The following ST8SIA6 variants were observed in gnomAD, a reference collection of about 807,000 sequenced individuals.
ST8SIA6 encodes alpha-2,8-sialyltransferase 8F.
ST8SIA6 carries 39 observed loss-of-function variants against 33.6 expected under a neutral mutation model. The observed-to-expected ratio is 1.16, with a 90% CI of 0.90 to 1.52. The LOEUF (loss-of-function observed/expected upper bound fraction) is 1.52. Ranked by LOEUF, ST8SIA6 falls within the 40% of genes most tolerant of loss-of-function variation. ST8SIA6 has a pLI of 0.00. For missense variants in ST8SIA6, 441 were observed against 443.8 expected (o/e 0.99, Z 0.06); for synonymous variants, 172 against 167.2 (o/e 1.03, Z -0.22).
intron 2 of ST8SIA6, among the ~76,000 whole-genome samples, chr10:17,436,284 G>T (rs1029600742): frequency 6.6e-6 from 1 of 152,254 alleles, no homozygotes; most frequent in African/African-American, 2.4e-5. Flanking sequence ...GGGTCCCTGG[G>T]GGGGAGGTAA....
intron 4 of ST8SIA6, among the ~76,000 whole-genome samples, chr10:17,339,543 C>T (rs549638705): frequency 2.0e-5 from 3 of 152,326 alleles, no homozygotes; most frequent in South Asian, 2.1e-4. Context: ...AAAATGGCCA[C>T]ATTTCTTTTT....
At chr10:17,365,937 G>A (rs1849544036) in intron 3 of ST8SIA6, among the ~76,000 whole-genome samples, 1 of 152,094 alleles carries the variant, frequency 6.6e-6, no homozygotes, top group South Asian at 2.1e-4. Context: ...GTTCTGTGTA[G>A]ATCAAAAAGT....
chr10:17,354,749 G>A (rs1052974881), intron 4 of ST8SIA6, among the ~76,000 whole-genome samples: 39 of 152,072 alleles, frequency 2.6e-4, no homozygotes, highest in African/African-American at 8.9e-4. Flanking sequence ...AGAGTCTCAG[G>A]GCCAGAAAGA....
chr10:17,323,248 C>CACACACACACCT (rs1848020200), intron 6 of ST8SIA6, 91 bp from the exon 7 acceptor site: 1 of 745,458 alleles, frequency 1.3e-6, no homozygotes, highest in Non-Finnish European at 2.2e-6. Context: ...CACACACACA[C>CACACACACACCT]ACCTATCTAT....
chr10:17,426,230 T>C (rs1271962872), intron 2 of ST8SIA6, among the ~76,000 whole-genome samples: 1 of 152,168 alleles, frequency 6.6e-6, no homozygotes, highest in Non-Finnish European at 1.5e-5. Flanking sequence ...GTGGGACTAA[T>C]ACATTGCCAT....
At chr10:17,368,954 G>A (rs890714658) in intron 3 of ST8SIA6, among the ~76,000 whole-genome samples, 2 of 152,126 alleles carry the variant, frequency 1.3e-5, no homozygotes, top group Non-Finnish European at 1.5e-5. Context: ...TGAGACTAGT[G>A]GTACTGGCAT....
In ST8SIA6 at chr10:17,390,532, C is replaced by G; in HGVS notation, c.289G>C (p.Gly97Arg). 2 of 1,610,630 alleles carry G rather than the reference C, an allele frequency of 1.2e-6. No homozygotes were observed. The highest frequency in any genetic ancestry group is 1.7e-6 in the Non-Finnish European group (2 of 1,178,034). Residue 97 changes from glycine (G) to arginine (R), a missense_variant and splice_region_variant, in exon 3 of 8, where the codon GGG (glycine) becomes CGG (arginine). Gly to Arg is a moderately radical substitution (Grantham distance 125). Transcript: ENST00000377602. ...TTAAATGTGAAGAGTAGAACTTACC[C>G]TTTCGTTTTGTTAGAGAAAGACTCA... The part of the protein sequence containing the change: ...GIESFSNKTK[G>R]YSENDYLQII...
In ST8SIA6 at chr10:17,359,490, CATATT is replaced by C. The variant is rs759586778; in HGVS notation, c.377+19_377+23del. 1.1e-5 allele frequency: 16 copies of C among 1,518,086 alleles called. No individual in the cohort carries two copies. Among genetic ancestry groups the C allele is most frequent in the Middle Eastern group, 1.7e-4 (1 of 5,882 alleles). The allele number at this position is 1,518,086 out of a possible 1,614,324, so 94.0% of individuals were successfully genotyped here. ...AATGAACAAGACATTTTTAAAATCT[CATATT>C]ATTTATGAAAAAAATTACCTAAAAT... On this transcript the variant is annotated intron_variant, in intron 4 of 7. Transcript: ENST00000377602.
At chr10:17,332,913 T>C (rs1848346990) in intron 4 of ST8SIA6, among the ~76,000 whole-genome samples, 2 of 152,176 alleles carry the variant, frequency 1.3e-5, no homozygotes, top group Admixed American at 6.5e-5. Flanking sequence ...TGGGGTTCTT[T>C]TTCTCTTGTA....
At chr10:17,399,401 G>C (rs1218887400) in intron 2 of ST8SIA6, among the ~76,000 whole-genome samples, 1 of 152,152 alleles carries the variant, frequency 6.6e-6, no homozygotes, top group East Asian at 1.9e-4. Context: ...ATTCAAAATA[G>C]AGGAACTTTT....
chr10:17,444,226 A>G (rs1209927475), intron 2 of ST8SIA6, among the ~76,000 whole-genome samples: 1 of 152,218 alleles, frequency 6.6e-6, no homozygotes, highest in Non-Finnish European at 1.5e-5. Context: ...ACAAGACCAG[A>G]CAACGCTACC....
chr10:17,357,284 C>A (rs1849229437), intron 4 of ST8SIA6, among the ~76,000 whole-genome samples: 1 of 147,298 alleles, frequency 6.8e-6, no homozygotes, highest in Admixed American at 6.8e-5. Flanking sequence ...TGCCACCACG[C>A]CTGGCTAATT....
rs145420979 is a variant in ST8SIA6 at position 17,324,264 on chromosome 10, T to A, written c.636-1107A>T. 8.0e-4 allele frequency among the ~76,000 whole-genome samples: 121 copies of A among 152,182 alleles called. 1 individual carries two copies. The East Asian group carries it at 0.019, about 24-fold the overall frequency. ...ATGTGGTCTATAACATGACAGAAGA[T>A]GAAATAAGCTGTACCATGTCCTATA... On this transcript the variant is annotated intron_variant, in intron 6 of 7. Coordinates refer to ENST00000377602, the MANE Select transcript of ST8SIA6 (RefSeq NM_001004470.3).
chr10:17,363,796 A>G (rs952192016), intron 3 of ST8SIA6, among the ~76,000 whole-genome samples: 1 of 152,190 alleles, frequency 6.6e-6, no homozygotes, highest in African/African-American at 2.4e-5. Flanking sequence ...CCAAGCTGAT[A>G]GTAAAACATG....
intron 4 of ST8SIA6, among the ~76,000 whole-genome samples, chr10:17,338,119 C>G (rs371182113): frequency 6.6e-6 from 1 of 151,002 alleles, no homozygotes. Flanking sequence ...ACCACAACCT[C>G]CACCTCCCGG....
rs111623643 is a variant in ST8SIA6, at chr10:17,414,030, G to A, written c.201-23410C>T. On this transcript the variant is annotated intron_variant, in intron 2 of 7. Transcript: ENST00000377602. Reference sequence around the variant, plus strand: ...TGAGAAGCCCCCATGCCCAATACACGCCTCCTATCTTCATACACGCCTCCT... The same window carrying A: ...TGAGAAGCCCCCATGCCCAATACACACCTCCTATCTTCATACACGCCTCCT... Among the ~76,000 whole-genome samples, 1,339 of 151,978 alleles carry A rather than the reference G, an allele frequency of 8.8e-3. 14 individuals carry two copies. Among genetic ancestry groups the A allele is most frequent in the Admixed American group, 0.017 (259 of 15,266 alleles).
At chr10:17,322,800 A>G (rs1848000208) in intron 7 of ST8SIA6, among the ~76,000 whole-genome samples, 1 of 152,222 alleles carries the variant, frequency 6.6e-6, no homozygotes, top group South Asian at 2.1e-4. Context: ...AAGTGGCTTC[A>G]TTATTGTTAA....
At chr10:17,445,064 C>T (rs888910944) in intron 2 of ST8SIA6, among the ~76,000 whole-genome samples, 1 of 152,070 alleles carries the variant, frequency 6.6e-6, no homozygotes, top group Non-Finnish European at 1.5e-5. Context: ...CTATTTGGAG[C>T]ATGAGGTGGA....
intron 4 of ST8SIA6, among the ~76,000 whole-genome samples, chr10:17,352,613 C>T (rs1231263703): frequency 6.6e-6 from 1 of 152,092 alleles, no homozygotes; most frequent in Non-Finnish European, 1.5e-5. Flanking sequence ...ATATTGAGTA[C>T]AACTTGGGAG....
Sources: gnomAD v4.1 joint callset for allele counts (sites outside exome capture counted in the v4.1 genomes callset) on GRCh38, gnomAD v4.1.1 for gene constraint, MANE v1.5 for transcripts, NCBI Gene and HGNC (gene_info 2026-07-23, HGNC 2026-07-21) for gene names.